NUFIP1: variants seen among roughly 807,000 people sequenced by gnomAD.
NUFIP1 encodes FMR1-interacting protein NUFIP1.
In NUFIP1, 38 loss-of-function variants were observed where a neutral mutation model predicts 56.2. The observed-to-expected ratio is 0.68, with a 90% CI of 0.52 to 0.89. NUFIP1 has a LOEUF of 0.89. Among genes scored for constraint, NUFIP1 ranks in the 40% least tolerant of loss-of-function variants. The pLI is 0.00. For missense variants in NUFIP1, 567 were observed against 605.8 expected (o/e 0.94, Z 0.67); for synonymous variants, 215 against 212.4 (o/e 1.01, Z -0.10).
At chr13:44,963,707 GATGTT>G (rs1312004310) in intron 6 of NUFIP1, among the ~76,000 whole-genome samples, 5 of 152,068 alleles carry the variant, frequency 3.3e-5, no homozygotes, top group African/African-American at 1.2e-4. Flanking sequence ...ATTTAGTCAT[GATGTT>G]ATATCATATT....
intron 8 of NUFIP1, 41 bp downstream of exon 8, chr13:44,949,681 C>A (rs919984145): frequency 1.5e-6 from 2 of 1,312,596 alleles, no homozygotes; most frequent in African/African-American, 1.5e-5. Flanking sequence ...AGGCAAAAAG[C>A]AACAAAACAA....
intron 4 of NUFIP1, 46 bp from the exon 5 acceptor site, chr13:44,979,312 C>T: frequency 1.3e-6 from 2 of 1,483,460 alleles, no homozygotes; most frequent in South Asian, 1.2e-5. Context: ...ATATCATATG[C>T]TTTTGACTAA....
intron 1 of NUFIP1, among the ~76,000 whole-genome samples, chr13:44,986,740 C>G (rs1346536551): frequency 6.6e-6 from 1 of 151,120 alleles, no homozygotes; most frequent in African/African-American, 2.4e-5. Context: ...TGACTTGCTG[C>G]AATCTCATGG....
At chr13:44,969,636 C>T (rs1287570390) in intron 5 of NUFIP1, among the ~76,000 whole-genome samples, 2 of 151,566 alleles carry the variant, frequency 1.3e-5, no homozygotes, top group African/African-American at 4.9e-5. Context: ...TGCTCTTTTC[C>T]TTCCTCTCTT....
intron 6 of NUFIP1, among the ~76,000 whole-genome samples, chr13:44,964,040 C>T (rs1284874437): frequency 2.0e-5 from 3 of 152,094 alleles, no homozygotes; most frequent in Admixed American, 2.0e-4. Flanking sequence ...AACTGTAATT[C>T]ATATGTGAAA....
intron 1 of NUFIP1, among the ~76,000 whole-genome samples, chr13:44,984,177 T>C (rs963070447): frequency 1.3e-5 from 2 of 152,192 alleles, no homozygotes; most frequent in African/African-American, 4.8e-5. Context: ...CCAAATTCTA[T>C]ACATCTCCTA....
At chr13:44,970,456 A>C (rs113281493) in intron 5 of NUFIP1, among the ~76,000 whole-genome samples, 2 of 152,206 alleles carry the variant, frequency 1.3e-5, no homozygotes, top group African/African-American at 4.8e-5. Flanking sequence ...TTCCTAACAG[A>C]GCAACTACAT....
rs1460628997 is a variant in NUFIP1 at position 44,949,856 on chromosome 13, C to A, written c.1022-18G>T. 3 of 1,348,972 alleles carry A rather than the reference C, an allele frequency of 2.2e-6. No homozygotes were observed. Among genetic ancestry groups the A allele is most frequent in the South Asian group, 2.4e-5 (2 of 85,010 alleles). 83.6% of individuals were successfully genotyped at this position (1,348,972 alleles called of 1,614,324 possible). On this transcript the variant is annotated intron_variant, in intron 7 of 9. Transcript: ENST00000379161. ...ATCAGACTCTGAAGGGAAAAGAAGT[C>A]AGATTCAAAACATCTACCACCATAA...
chr13:44,943,827 T>G (rs566913889), intron 8 of NUFIP1, among the ~76,000 whole-genome samples, 153 bp from the exon 9 acceptor site: 17 of 152,346 alleles, frequency 1.1e-4, no homozygotes, highest in African/African-American at 4.1e-4. Flanking sequence ...GCAAGGCATT[T>G]ATAATGTATT....
intron 5 of NUFIP1, among the ~76,000 whole-genome samples, chr13:44,978,334 T>C (rs1438238973): frequency 1.3e-5 from 2 of 152,216 alleles, no homozygotes; most frequent in African/African-American, 4.8e-5. Context: ...CATAAGAGTC[T>C]GAAGTATCTT....
rs765492313 is a variant in NUFIP1, at chr13:44,959,447, A to C, written c.955T>G (p.Leu319Val). ...VTGSGSHLCD[L>V]KLEGPPEANA... Reference sequence around the variant, plus strand: ...GCCTCCGGTGGACCTTCTAGCTTCAAATCACACAAGTGACTGCCTGATCCA... The same window carrying C: ...GCCTCCGGTGGACCTTCTAGCTTCACATCACACAAGTGACTGCCTGATCCA... The change falls in exon 7 of 10, where the codon TTG (leucine) becomes GTG (valine). Residue 319 changes from leucine to valine, a missense_variant. Transcript: ENST00000379161. 3.1e-6 allele frequency: 5 copies of C among 1,614,118 alleles called. No individual in the cohort carries two copies. The Admixed American group carries it at 6.7e-5, about 22-fold the overall frequency.
intron 1 of NUFIP1, among the ~76,000 whole-genome samples, chr13:44,985,177 G>A (rs1872339077): frequency 6.6e-6 from 1 of 152,184 alleles, no homozygotes; most frequent in African/African-American, 2.4e-5. Context: ...AATCTCCCCT[G>A]AAAGTAGACT....
Position 44,982,142 on chromosome 13 carries a change from T to C in NUFIP1, c.425A>G (p.Tyr142Cys). The change falls in exon 2 of 10, where the codon TAT becomes TGT. Residue 142 changes from tyrosine to cysteine, a missense_variant. Tyr to Cys is a radical substitution (Grantham distance 194, BLOSUM62 -2). Transcript: ENST00000379161. ...KSFNPAVKNS[Y>C]YPRKYDAKFT... ...TTTTGCATCATACTTTCGTGGATAA[T>C]AAGAATTTTTAACTAAAAAAAAAAA... is the stretch of plus-strand genomic sequence containing the variant. The C allele has an allele frequency of 6.9e-7, 1 of 1,455,356 alleles. No homozygotes were observed. The highest frequency in any genetic ancestry group is 9.2e-7 in the Non-Finnish European group (1 of 1,092,680). The allele number at this position is 1,455,356 out of a possible 1,614,324, so 90.2% of individuals were successfully genotyped here. A position where few individuals can be genotyped will look rare whatever the true frequency, so the allele number is the denominator to read the frequency against.
chr13:44,988,027 A>T (rs1872475685), intron 1 of NUFIP1, among the ~76,000 whole-genome samples: 1 of 152,002 alleles, frequency 6.6e-6, no homozygotes, highest in African/African-American at 2.4e-5. Flanking sequence ...TTCTGCCCGT[A>T]CCCCTATTCT....
intron 5 of NUFIP1, among the ~76,000 whole-genome samples, chr13:44,975,154 G>A (rs145971048): frequency 4.6e-5 from 7 of 151,902 alleles, no homozygotes; most frequent in African/African-American, 1.4e-4. Context: ...TTAGACCTTC[G>A]GATGTTGGAA....
intron 5 of NUFIP1, among the ~76,000 whole-genome samples, chr13:44,972,320 G>A (rs1223921902): frequency 1.3e-5 from 2 of 152,022 alleles, no homozygotes; most frequent in African/African-American, 4.8e-5. Context: ...AGTAATACTC[G>A]GCAATAAAAA....
intron 8 of NUFIP1, among the ~76,000 whole-genome samples, chr13:44,944,133 G>T (rs1276873278): frequency 6.6e-6 from 1 of 152,124 alleles, no homozygotes; most frequent in African/African-American, 2.4e-5. Context: ...TATGTAAGTA[G>T]TATACACTGT....
chr13:44,976,417 GAGA>G (rs1378316617), intron 5 of NUFIP1, among the ~76,000 whole-genome samples: 1 of 151,398 alleles, frequency 6.6e-6, no homozygotes, highest in African/African-American at 2.4e-5. Flanking sequence ...AGAGGAAGAA[GAGA>G]AGAGGAGGAG....
intron 5 of NUFIP1, among the ~76,000 whole-genome samples, chr13:44,966,595 G>A (rs1014422887): frequency 1.3e-5 from 2 of 152,172 alleles, no homozygotes; most frequent in African/African-American, 4.8e-5. Context: ...GATTACAGGC[G>A]TGAACCATCA....
Sources: gnomAD v4.1 joint callset for allele counts (sites outside exome capture counted in the v4.1 genomes callset) on GRCh38, gnomAD v4.1.1 for gene constraint, MANE v1.5 for transcripts, NCBI Gene and HGNC (gene_info 2026-07-23, HGNC 2026-07-21) for gene names.